The following PTPRT variants were observed in gnomAD, a reference collection of about 807,000 sequenced individuals.
The protein encoded by PTPRT is protein tyrosine phosphatase receptor type T.
A neutral mutation model predicts 176.8 loss-of-function variants in PTPRT; 56 were observed. The ratio of observed to expected loss-of-function variants is 0.32; its 90% CI spans 0.26 to 0.40. The LOEUF is 0.40. Among genes scored for constraint, PTPRT ranks in the 10% least tolerant of loss-of-function variants. The pLI, the probability that PTPRT is intolerant of heterozygous loss-of-function variation, is 1.00. For missense variants in PTPRT, 1,540 were observed against 1,908.2 expected, an observed-to-expected ratio of 0.81 and a Z score of 3.60; for synonymous variants, 783 against 739.0, an observed-to-expected ratio of 1.06 and a Z score of -0.96.
intron 1 of PTPRT, among the ~76,000 whole-genome samples, chr20:43,089,024 G>A (rs139287816): frequency 9.9e-5 from 15 of 152,166 alleles, no homozygotes; most frequent in East Asian, 9.7e-4. Context: ...TCCCTGCTGC[G>A]AGGATAAAAT....
chr20:43,127,259 T>C (rs2013477669), intron 1 of PTPRT, among the ~76,000 whole-genome samples: 2 of 151,628 alleles, frequency 1.3e-5, no homozygotes, highest in Non-Finnish European at 2.9e-5. Context: ...CTATCTCTAC[T>C]AAAAATACAA....
At chr20:42,100,083 T>C (rs1429116391) in intron 26 of PTPRT, among the ~76,000 whole-genome samples, 1 of 152,120 alleles carries the variant, frequency 6.6e-6, no homozygotes, top group Non-Finnish European at 1.5e-5. Context: ...GAGGACCTCA[T>C]CAGAAAATGG....
rs1156414727 is a variant in PTPRT, at chr20:43,172,869, C to CTTTT, written c.88+16773_88+16776dup. 2.6e-3 allele frequency among the ~76,000 whole-genome samples: 301 copies of CTTTT among 117,512 alleles called. 2 individuals carry two copies. The highest frequency in any genetic ancestry group is 9.5e-3 in the African/African-American group (281 of 29,594). 77.1% of individuals were successfully genotyped at this position (117,512 alleles called of 152,430 possible). A position where few individuals can be genotyped will look rare whatever the true frequency, so the allele number is the denominator to read the frequency against. ...ACAGTCTGAGATCAGAGTCTGCAGT[C>CTTTT]TTTTTTTTTTTTTTTTTTTTGAGAT... On this transcript the variant is annotated intron_variant, in intron 1 of 30. Transcript: ENST00000373187.
chr20:42,850,289 A>G (rs2078445678), intron 2 of PTPRT, among the ~76,000 whole-genome samples: 1 of 152,152 alleles, frequency 6.6e-6, no homozygotes. Context: ...AAGCACTACC[A>G]CTTCTCCTTC....
chr20:42,366,296 T>C (rs1304634031), intron 9 of PTPRT, among the ~76,000 whole-genome samples: 1 of 152,236 alleles, frequency 6.6e-6, no homozygotes, highest in South Asian at 2.1e-4. Flanking sequence ...AGGCTTGTTA[T>C]CTGTGCAGAG....
intron 13 of PTPRT, among the ~76,000 whole-genome samples, chr20:42,281,564 G>A (rs1013367518): frequency 1.3e-5 from 2 of 151,870 alleles, no homozygotes; most frequent in African/African-American, 2.4e-5. Flanking sequence ...TGGTTTTGTC[G>A]TTGTGCATGT....
At chr20:42,070,687 T>A (rs6102658), downstream of PTPRT, among the ~76,000 whole-genome samples, 21,953 of 152,068 alleles carry the variant, frequency 0.14, 1,917 homozygotes, top group South Asian at 0.23. Flanking sequence ...ACGTAGAATA[T>A]GTTTATGCAT....
chr20:42,065,356 A>T, the PTPRT span, among the ~76,000 whole-genome samples: 1 of 152,264 alleles, frequency 6.6e-6, no homozygotes, highest in Non-Finnish European at 1.5e-5. Flanking sequence ...GTAGACATCC[A>T]TGACTTTACT....
At chr20:42,850,941 C>A (rs1407421490) in intron 2 of PTPRT, among the ~76,000 whole-genome samples, 1 of 152,184 alleles carries the variant, frequency 6.6e-6, no homozygotes, top group Non-Finnish European at 1.5e-5. Flanking sequence ...TCTCACTCCC[C>A]ACAGACATCT....
intron 7 of PTPRT, among the ~76,000 whole-genome samples, chr20:42,501,228 T>C (rs1413091158): frequency 6.6e-6 from 1 of 152,190 alleles, no homozygotes; most frequent in Non-Finnish European, 1.5e-5. Context: ...TTTGTGTCAT[T>C]TGTTCAACCT....
chr20:43,156,398 T>C (rs780053721), intron 1 of PTPRT, among the ~76,000 whole-genome samples: 1 of 152,164 alleles, frequency 6.6e-6, no homozygotes, highest in Non-Finnish European at 1.5e-5. Flanking sequence ...AGAAGGAGAC[T>C]GGAATCTAGG....
chr20:42,891,867 A>C (rs1600526569), intron 1 of PTPRT, among the ~76,000 whole-genome samples: 1 of 152,252 alleles, frequency 6.6e-6, no homozygotes, highest in African/African-American at 2.4e-5. Context: ...TCTCTAAGAC[A>C]GGAGTCATCA....
At chr20:42,939,450 C>G (rs941764309) in intron 1 of PTPRT, among the ~76,000 whole-genome samples, 6 of 152,182 alleles carry the variant, frequency 3.9e-5, no homozygotes, top group Admixed American at 2.0e-4. Context: ...TGTCTTCCCC[C>G]CTCCTTTTCC....
At chr20:42,743,497 T>C (rs1385989219) in intron 6 of PTPRT, among the ~76,000 whole-genome samples, 1 of 152,240 alleles carries the variant, frequency 6.6e-6, no homozygotes, top group East Asian at 1.9e-4. Flanking sequence ...TTGTTTTTTA[T>C]ACTATTTTAG....
chr20:42,409,528 A>G lies in PTPRT; in HGVS notation c.1560+38692T>C, dbSNP rs566110599. On this transcript the variant is annotated intron_variant, in intron 9 of 30. Coordinates refer to ENST00000373187, the MANE Select transcript of PTPRT (RefSeq NM_007050.6). ...AAAAAAAAAAAAAAAAGTATTATTTATACAAACTGATATATCAACAATGTC... is the reference window on the plus strand; with the variant it reads ...AAAAAAAAAAAAAAAAGTATTATTTGTACAAACTGATATATCAACAATGTC... Among the ~76,000 whole-genome samples the G allele has an allele frequency of 8.3e-3, 1,201 of 144,880 alleles. 10 individuals are homozygous for G. Among genetic ancestry groups the G allele is most frequent in the Non-Finnish European group, 0.014 (959 of 66,736 alleles).
At chr20:43,088,495 A>T (rs1036401706) in intron 1 of PTPRT, among the ~76,000 whole-genome samples, 2 of 152,086 alleles carry the variant, frequency 1.3e-5, no homozygotes, top group African/African-American at 4.8e-5. Flanking sequence ...GGCTACACCA[A>T]GTTCACTGCT....
chr20:43,174,983 C>T (rs994139868), intron 1 of PTPRT, among the ~76,000 whole-genome samples: 1 of 152,232 alleles, frequency 6.6e-6, no homozygotes, highest in African/African-American at 2.4e-5. Context: ...ATCATCTGGA[C>T]ATTTCACAGA....
intron 8 of PTPRT, among the ~76,000 whole-genome samples, chr20:42,454,457 A>G (rs919089706): frequency 6.6e-6 from 1 of 152,166 alleles, no homozygotes; most frequent in Non-Finnish European, 1.5e-5. Context: ...TGCCCCAAGC[A>G]ATGTTCTGAA....
intron 9 of PTPRT, among the ~76,000 whole-genome samples, chr20:42,408,235 T>C (rs2058979674): frequency 1.3e-5 from 2 of 152,166 alleles, no homozygotes; most frequent in Non-Finnish European, 2.9e-5. Context: ...TGTTTCTTTA[T>C]TAAGCTTACA....
Sources: gnomAD v4.1 joint callset for allele counts (sites outside exome capture counted in the v4.1 genomes callset) on GRCh38, gnomAD v4.1.1 for gene constraint, MANE v1.5 for transcripts, NCBI Gene and HGNC (gene_info 2026-07-23, HGNC 2026-07-21) for gene names.